Variants in NAV3 observed in about 807,000 individuals in gnomAD.
The protein encoded by NAV3 is neuron navigator 3.
Under a neutral mutation model 244.7 loss-of-function variants are expected in NAV3, and 87 were observed. That is an observed-to-expected ratio of 0.36 (90% CI 0.30 to 0.42). The LOEUF is 0.42. Ranked by LOEUF, NAV3 falls within the 20% of genes least tolerant of loss-of-function variation. NAV3 has a pLI of 1.00. For missense variants in NAV3, 2,663 were observed against 2,893.3 expected (o/e 0.92, Z 1.83); for synonymous variants, 1,126 against 1,042.2 (o/e 1.08, Z -1.55).
chr12:78,201,716 T>C lies in NAV3; in HGVS notation c.6834+1125T>C, dbSNP rs546509726. On this transcript the variant is annotated intron_variant, in intron 38 of 39. Coordinates refer to ENST00000397909, the MANE Select transcript of NAV3 (RefSeq NM_001024383.2). ...AATCACCCAATTTATTGAGGAAGGA[T>C]CTCATCTCCTTTTCAGTAACTCAGC... 4.0e-4 allele frequency among the ~76,000 whole-genome samples: 61 copies of C among 152,162 alleles called. No individual in the cohort carries two copies. In the Middle Eastern group the frequency reaches 0.01, roughly 25 times the overall value.
At chr12:78,111,515 T>A (rs1317605948) in intron 12 of NAV3, among the ~76,000 whole-genome samples, 2 of 152,158 alleles carry the variant, frequency 1.3e-5, no homozygotes, top group Non-Finnish European at 2.9e-5. Context: ...TGTAACAATG[T>A]TCGACATCGT....
At chr12:77,969,734 A>G (rs1410703585) in intron 5 of NAV3, among the ~76,000 whole-genome samples, 3 of 152,084 alleles carry the variant, frequency 2.0e-5, no homozygotes, top group Non-Finnish European at 4.4e-5. Flanking sequence ...AATCCCAGCT[A>G]CTCTGGAGGC....
chr12:78,127,451 A>G (rs1593697804), intron 17 of NAV3, among the ~76,000 whole-genome samples: 1 of 152,186 alleles, frequency 6.6e-6, no homozygotes, highest in Non-Finnish European at 1.5e-5. Flanking sequence ...CACTATTTTG[A>G]AGAAATAATA....
chr12:78,200,615 T>A, intron 38 of NAV3, 24 bp downstream of exon 38: 12 of 1,213,392 alleles, frequency 9.9e-6, no homozygotes, highest in South Asian at 1.7e-5. Flanking sequence ...TTTTCATTGC[T>A]ATTTTTTTTT....
At chr12:77,645,829 G>A (rs1376397870) in intron 2 of NAV3, among the ~76,000 whole-genome samples, 4 of 152,020 alleles carry the variant, frequency 2.6e-5, no homozygotes, top group Admixed American at 2.6e-4. Flanking sequence ...TTAAGGGAAA[G>A]CTCAGTTTTG....
chr12:77,791,801 G>T (rs964377398), intron 2 of NAV3, among the ~76,000 whole-genome samples: 1 of 152,104 alleles, frequency 6.6e-6, no homozygotes, highest in Non-Finnish European at 1.5e-5. Flanking sequence ...ACTATTTCTT[G>T]TTCATTCCCC....
chr12:78,005,795 T>C (rs1874102705), intron 7 of NAV3, among the ~76,000 whole-genome samples: 2 of 152,232 alleles, frequency 1.3e-5, no homozygotes, highest in Admixed American at 6.5e-5. Context: ...CCCACTTCAA[T>C]GGGCTGTTGT....
At chr12:77,731,641 T>C (rs1203298028) in intron 2 of NAV3, among the ~76,000 whole-genome samples, 1 of 151,922 alleles carries the variant, frequency 6.6e-6, no homozygotes, top group Non-Finnish European at 1.5e-5. Flanking sequence ...TGGATATCAT[T>C]TATCAACTTG....
chr12:77,877,172 C>A (rs1343997847), intron 1 of NAV3, among the ~76,000 whole-genome samples: 1 of 151,978 alleles, frequency 6.6e-6, no homozygotes, highest in African/African-American at 2.4e-5. Context: ...GTAAAAAGTT[C>A]AAAAATTCCA....
At chr12:77,703,053 G>A (rs752538150) in intron 2 of NAV3, among the ~76,000 whole-genome samples, 2 of 151,916 alleles carry the variant, frequency 1.3e-5, no homozygotes, top group South Asian at 2.1e-4. Flanking sequence ...GAGGCTTAAT[G>A]TACATTCATA....
At chr12:78,197,063 A>C (rs1169595752) in intron 34 of NAV3, among the ~76,000 whole-genome samples, 184 bp from the exon 35 acceptor site, 1 of 151,952 alleles carries the variant, frequency 6.6e-6, no homozygotes, top group Non-Finnish European at 1.5e-5. Flanking sequence ...CATTTAAAAA[A>C]ATTATTCTGT....
chr12:78,177,491 T>TCC (rs1340480121), intron 27 of NAV3, 129 bp from the exon 28 acceptor site: 2 of 1,145,062 alleles, frequency 1.7e-6, no homozygotes, highest in Non-Finnish European at 2.4e-6. Flanking sequence ...ATTTTCATTT[T>TCC]TCTTTTTCAT....
At chr12:77,582,551 G>A (rs187726957) in intron 2 of NAV3, among the ~76,000 whole-genome samples, 1 of 152,282 alleles carries the variant, frequency 6.6e-6, no homozygotes. Context: ...TTAGGAAAAT[G>A]TATTGTAGAA....
chr12:77,741,167 G>GAAAAAAAAAAAAAAAAAA (rs1868327621), intron 2 of NAV3, among the ~76,000 whole-genome samples: 18 of 76,070 alleles, frequency 2.4e-4, no homozygotes, highest in Non-Finnish European at 4.3e-4. Context: ...AAAAAAAAAA[G>GAAAAAAAAAAAAAAAAAA]AAAAGAAAGA....
intron 31 of NAV3, among the ~76,000 whole-genome samples, chr12:78,187,747 T>C (rs1019885087): frequency 1.3e-5 from 2 of 151,868 alleles, no homozygotes; most frequent in African/African-American, 4.8e-5. Context: ...TAAAGCGAGA[T>C]TGGATTCTAG....
chr12:78,076,649 A>T (rs759507863), intron 12 of NAV3, among the ~76,000 whole-genome samples: 3 of 152,146 alleles, frequency 2.0e-5, no homozygotes, highest in African/African-American at 4.8e-5. Context: ...CGTTTATGTA[A>T]ATGAATGAAT....
intron 19 of NAV3, 45 bp downstream of exon 19, chr12:78,137,410 C>T: frequency 6.6e-7 from 1 of 1,525,444 alleles, no homozygotes; most frequent in Non-Finnish European, 8.8e-7. Context: ...TTATTTAAAC[C>T]CTGAGAGGGA....
At chr12:77,658,840 G>C (rs909941700) in intron 2 of NAV3, among the ~76,000 whole-genome samples, 4 of 151,928 alleles carry the variant, frequency 2.6e-5, no homozygotes, top group African/African-American at 7.3e-5. Flanking sequence ...ACAAACCTGA[G>C]AAAAACAAGC....
At chr12:78,167,746 T>A (rs924440955) in intron 23 of NAV3, among the ~76,000 whole-genome samples, 3 of 151,634 alleles carry the variant, frequency 2.0e-5, no homozygotes, top group African/African-American at 4.8e-5. Context: ...TACCAAGGAA[T>A]TCTCCCTCTA....
Sources: allele counts gnomAD v4.1 joint callset (sites outside exome capture counted in the v4.1 genomes callset), GRCh38; gene constraint gnomAD v4.1.1; transcripts MANE v1.5; gene names NCBI Gene and HGNC (gene_info 2026-07-23, HGNC 2026-07-21).